WWC1: variants seen among roughly 807,000 people sequenced by gnomAD.
The protein encoded by WWC1 is protein KIBRA.
A neutral mutation model predicts 138.4 loss-of-function variants in WWC1; 55 were observed. The observed-to-expected ratio is 0.40, with a 90% CI of 0.32 to 0.50. The LOEUF is 0.50. Among genes scored for constraint, WWC1 ranks in the 20% least tolerant of loss-of-function variants. The pLI is 0.72. For missense variants in WWC1, 1,226 were observed against 1,420.4 expected, an observed-to-expected ratio of 0.86 and a Z score of 2.20; for synonymous variants, 524 against 564.9, an observed-to-expected ratio of 0.93 and a Z score of 1.03.
intron 3 of WWC1, among the ~76,000 whole-genome samples, chr5:168,389,364 T>C (rs2152822480): frequency 6.6e-6 from 1 of 151,296 alleles, no homozygotes; most frequent in East Asian, 2.0e-4. Context: ...GGAGAATCGC[T>C]TGCTTGAACC....
chr5:168,355,912 AC>A (rs1561650548), intron 1 of WWC1, among the ~76,000 whole-genome samples: 1 of 71,624 alleles, frequency 1.4e-5, no homozygotes. Context: ...GAGGGAAGGA[AC>A]AAGAGAGAGA....
intron 21 of WWC1, 165 bp from the exon 22 acceptor site, chr5:168,467,672 AGAT>A (rs916236278): frequency 3.0e-5 from 30 of 992,642 alleles, no homozygotes; most frequent in Admixed American, 1.8e-4. Flanking sequence ...TCACTCAAAC[AGAT>A]GATTTGAGCA....
chr5:168,460,086 C>G, intron 19 of WWC1, among the ~76,000 whole-genome samples: 1 of 152,166 alleles, frequency 6.6e-6, no homozygotes, highest in East Asian at 1.9e-4. Flanking sequence ...GCCCCATCAT[C>G]TCTAAGGATA....
At position 168,423,862 on chromosome 5, in the gene WWC1, C is replaced by A. The variant is rs1380596475; in HGVS notation, c.1604C>A (p.Ser535Tyr). The stretch of plus-strand genomic sequence containing the variant: ...ACCCCAAAGTCCATGACCTCCCTAT[C>A]CCCACGTTCCTCTCTCTCCTCCCCC... ...SGTPKSMTSL[S>Y]PRSSLSSPSP... Residue 535 changes from serine (S) to tyrosine (Y), a missense_variant, in exon 11 of 23, where the codon TCC becomes TAC. Physicochemically the swap from Ser to Tyr is moderately radical, Grantham distance 144. Transcript: ENST00000265293. The A allele has an allele frequency of 6.2e-7, 1 of 1,614,162 alleles. No individual in the cohort carries two copies. The highest frequency in any genetic ancestry group is 1.1e-5 in the South Asian group (1 of 91,078).
chr5:168,308,910 CAAG>C (rs1487862459), intron 1 of WWC1, among the ~76,000 whole-genome samples: 2 of 152,134 alleles, frequency 1.3e-5, no homozygotes, highest in African/African-American at 2.4e-5. Context: ...GCTCCCTCTC[CAAG>C]AAGAAGTCTT....
intron 1 of WWC1, among the ~76,000 whole-genome samples, chr5:168,343,537 G>C (rs942275674): frequency 6.6e-6 from 1 of 152,162 alleles, no homozygotes; most frequent in Non-Finnish European, 1.5e-5. Context: ...TATATTAAGA[G>C]TTGAGGCCGG....
intron 6 of WWC1, among the ~76,000 whole-genome samples, chr5:168,407,722 T>C (rs1447553174): frequency 6.6e-6 from 1 of 152,202 alleles, no homozygotes; most frequent in Non-Finnish European, 1.5e-5. Flanking sequence ...TAGGTCATTC[T>C]TTGTATGACT....
In WWC1 at chr5:168,422,039, G is replaced by A. The variant is rs1781130047; in HGVS notation, c.1216G>A (p.Val406Met). The A allele has an allele frequency of 6.2e-7, 1 of 1,612,696 alleles. No individual in the cohort carries two copies. Among genetic ancestry groups the A allele is most frequent in the African/African-American group, 1.3e-5 (1 of 75,012 alleles). Residue 406 changes from valine (V) to methionine (M), a missense_variant, in exon 10 of 23, where the codon GTG (valine) becomes ATG (methionine). Physicochemically the swap from Val to Met is conservative, Grantham distance 21. Coordinates refer to ENST00000265293, the MANE Select transcript of WWC1 (RefSeq NM_015238.3). The stretch of plus-strand genomic sequence containing the variant: ...GTTAAACAGTAAGAGGAACCAGCTT[G>A]TGAGAGAACTGGAGGAAGCCACCCG... ...LKLNSKRNQL[V>M]RELEEATRQV...
chr5:168,403,905 C>T (rs984932431), intron 5 of WWC1, among the ~76,000 whole-genome samples: 1 of 150,528 alleles, frequency 6.6e-6, no homozygotes, highest in East Asian at 1.9e-4. Context: ...CACACACACA[C>T]ACACACTTTT....
chr5:168,362,820 G>C (rs1775979404), intron 1 of WWC1, among the ~76,000 whole-genome samples: 1 of 152,204 alleles, frequency 6.6e-6, no homozygotes, highest in African/African-American at 2.4e-5. Context: ...GCAGGGCAGA[G>C]GGAAGACAGA....
chr5:168,438,631 T>C (rs1754466410), intron 15 of WWC1, among the ~76,000 whole-genome samples: 1 of 86,326 alleles, frequency 1.2e-5, no homozygotes, highest in African/African-American at 5.9e-5. Context: ...CTACCACCCA[T>C]CAGCACAGAG....
chr5:168,453,924 A>C (rs1420506105), intron 17 of WWC1, 44 bp from the exon 18 acceptor site: 1 of 1,609,770 alleles, frequency 6.2e-7, no homozygotes, highest in Admixed American at 1.7e-5. Context: ...GAACAGAGGC[A>C]GAGCGGCTTC....
chr5:168,403,000 GTTTCTTTTTCTTTC>G (rs1779421453), intron 5 of WWC1, among the ~76,000 whole-genome samples: 1 of 137,846 alleles, frequency 7.3e-6, no homozygotes, highest in Admixed American at 7.1e-5. Flanking sequence ...AAGCTCTGTT[GTTTCTTTTTCTTTC>G]TTTCTTTCTT....
chr5:168,441,785 A>C lies in WWC1; in HGVS notation c.2384A>C (p.Glu795Ala). 6.2e-7 allele frequency: 1 copy of C among 1,614,120 alleles called. No homozygotes were observed. The highest frequency in any genetic ancestry group is 8.5e-7 in the Non-Finnish European group (1 of 1,180,010). Residue 795 changes from glutamate to alanine, a missense_variant, in exon 16 of 23, where the codon GAG (glutamate) becomes GCG (alanine). Physicochemically the swap from Glu to Ala is moderately radical, Grantham distance 107. This residue lies in a region of WWC1 where 1,016 missense variants were observed against 1,153.9 expected (regional missense o/e 0.88). Transcript: ENST00000265293. ...AAATACTTGAAGAAACAGAGCAGGG[A>C]GCTCAAGCCAGTGGGAGTCATGGCC... is the stretch of plus-strand genomic sequence containing the variant. ...SYKYLKKQSR[E>A]LKPVGVMAPA...
At chr5:168,400,448 A>G (rs758553334) in intron 5 of WWC1, among the ~76,000 whole-genome samples, 1 of 152,126 alleles carries the variant, frequency 6.6e-6, no homozygotes, top group Admixed American at 6.5e-5. Context: ...GTTGTTTCTT[A>G]AGAGTGGTTG....
intron 2 of WWC1, among the ~76,000 whole-genome samples, chr5:168,379,402 T>G (rs936494492): frequency 1.8e-4 from 27 of 152,128 alleles, no homozygotes; most frequent in Middle Eastern, 3.4e-3. Context: ...ACACAACTCT[T>G]TTTTTTATTT....
intron 1 of WWC1, among the ~76,000 whole-genome samples, chr5:168,369,270 A>G (rs911964658): frequency 1.3e-5 from 2 of 152,206 alleles, no homozygotes; most frequent in East Asian, 1.9e-4. Flanking sequence ...CACCCAACAA[A>G]TGGAGAGTTA....
chr5:168,315,032 C>A (rs914080745), intron 1 of WWC1, among the ~76,000 whole-genome samples: 1 of 152,186 alleles, frequency 6.6e-6, no homozygotes, highest in Non-Finnish European at 1.5e-5. Flanking sequence ...GCTGACACCC[C>A]CCAGATTCAT....
chr5:168,375,996 G>A (rs1347614023), intron 2 of WWC1, among the ~76,000 whole-genome samples: 1 of 151,464 alleles, frequency 6.6e-6, no homozygotes, highest in African/African-American at 2.4e-5. Flanking sequence ...TTTTATGTCT[G>A]TTTTCTTTTC....
Sources: allele counts gnomAD v4.1 joint callset (sites outside exome capture counted in the v4.1 genomes callset), GRCh38; gene constraint gnomAD v4.1.1; regional missense constraint gnomAD v4.1.1; transcripts MANE v1.5; gene names NCBI Gene and HGNC (gene_info 2026-07-23, HGNC 2026-07-21).